Variants in RIMBP2 observed in about 807,000 individuals in gnomAD.
RIMBP2 encodes RIMS-binding protein 2.
RIMBP2 carries 48 observed loss-of-function variants against 118.6 expected under a neutral mutation model. That is an observed-to-expected ratio of 0.40 (90% CI 0.32 to 0.51). RIMBP2 has a LOEUF of 0.51. Ranked by LOEUF, RIMBP2 falls within the 20% of genes least tolerant of loss-of-function variation. The pLI is 0.41. For missense variants in RIMBP2, 1,551 were observed against 1,768.3 expected (o/e 0.88, Z 2.20); for synonymous variants, 762 against 742.9 (o/e 1.03, Z -0.42).
At chr12:130,423,477 C>T (rs10848100) in intron 16 of RIMBP2, among the ~76,000 whole-genome samples, 40,667 of 151,862 alleles carry the variant, frequency 0.27, 6,968 homozygotes, top group African/African-American at 0.47. Flanking sequence ...GCAAATGTTC[C>T]GAAAAGAGGA....
At chr12:130,496,036 T>C (rs1260919772) in intron 4 of RIMBP2, among the ~76,000 whole-genome samples, 2 of 152,190 alleles carry the variant, frequency 1.3e-5, no homozygotes, top group Admixed American at 6.5e-5. Context: ...GGACCTAAAC[T>C]GTAAAGCATT....
chr12:130,569,524 C>T (rs1161901629), intron 2 of RIMBP2, among the ~76,000 whole-genome samples: 2 of 152,202 alleles, frequency 1.3e-5, no homozygotes, highest in Non-Finnish European at 2.9e-5. Context: ...TTTGGATCTG[C>T]GTCCCCACCA....
intron 1 of RIMBP2, among the ~76,000 whole-genome samples, chr12:130,700,673 C>G (rs918263343): frequency 6.6e-6 from 1 of 152,230 alleles, no homozygotes. Flanking sequence ...ACAGCCCTGC[C>G]AGCGCCTGGA....
intron 1 of RIMBP2, among the ~76,000 whole-genome samples, chr12:130,649,703 C>T (rs759843631): frequency 2.6e-5 from 4 of 152,112 alleles, no homozygotes; most frequent in Non-Finnish European, 4.4e-5. Flanking sequence ...CACTTTCAGC[C>T]CTGGAGATCC....
chr12:130,493,474 C>G (rs2048838019), intron 4 of RIMBP2, among the ~76,000 whole-genome samples: 1 of 151,992 alleles, frequency 6.6e-6, no homozygotes, highest in Non-Finnish European at 1.5e-5. Flanking sequence ...ACCACCACGC[C>G]TGGTTAATTT....
In RIMBP2 at chr12:130,484,419, G is replaced by T. The variant is rs1038695765; in HGVS notation, c.-3-5403C>A. ...TGCCCAGATGCCACTTCGCACTGAA[G>T]CCTGGTGGCCGCCCGGCCCCTCCTG... On this transcript the variant is annotated intron_variant, in intron 4 of 22. Transcript: ENST00000690449. 1.3e-5 allele frequency among the ~76,000 whole-genome samples: 2 copies of T among 152,216 alleles called. 1 individual carries two copies. Among genetic ancestry groups the T allele is most frequent in the South Asian group, 4.1e-4 (2 of 4,832 alleles).
In RIMBP2 at chr12:130,414,314, C is replaced by A; in HGVS notation, c.3239-8G>T. ...GGTCTCGCCCGTAATCGTCTGCGAGCAAGTGGGGGTGAAGAACAGAGCGGC... is the reference window on the plus strand; with the variant it reads ...GGTCTCGCCCGTAATCGTCTGCGAGAAAGTGGGGGTGAAGAACAGAGCGGC... On this transcript the variant is annotated splice_region_variant and splice_polypyrimidine_tract_variant and intron_variant, in intron 17 of 22. Coordinates refer to ENST00000690449, the MANE Select transcript of RIMBP2 (RefSeq NM_001393629.1). 1 of 1,571,792 alleles carries A rather than the reference C, an allele frequency of 6.4e-7. No individual in the cohort carries two copies. The highest frequency in any genetic ancestry group is 8.6e-7 in the Non-Finnish European group (1 of 1,157,228).
chr12:130,459,954 C>G (rs870597), intron 6 of RIMBP2, among the ~76,000 whole-genome samples: 39,554 of 152,180 alleles, frequency 0.26, 6,407 homozygotes, highest in Non-Finnish European at 0.34. Flanking sequence ...CGTTAGTTCA[C>G]GACTTGGCAC....
rs546219044 is a variant in RIMBP2 at position 130,451,182 on chromosome 12, G to T, written c.504+13C>A. ...ACAGGCAGCCCCGGCAGCCCCTGCGGGACGGGACTCACGTCTGACTCAGAT... is the reference window on the plus strand; with the variant it reads ...ACAGGCAGCCCCGGCAGCCCCTGCGTGACGGGACTCACGTCTGACTCAGAT... On this transcript the variant is annotated intron_variant, in intron 8 of 22. Coordinates refer to ENST00000690449, the MANE Select transcript of RIMBP2 (RefSeq NM_001393629.1). 6 of 1,611,992 alleles carry T rather than the reference G, an allele frequency of 3.7e-6. No individual in the cohort carries two copies. In the East Asian group the frequency reaches 1.3e-4, roughly 36 times the overall value.
intron 2 of RIMBP2, among the ~76,000 whole-genome samples, chr12:130,613,787 C>T (rs1321858139): frequency 1.5e-5 from 2 of 132,112 alleles, no homozygotes; most frequent in Non-Finnish European, 3.1e-5. Flanking sequence ...GCACTCCAGC[C>T]TGGGTGACAG....
chr12:130,461,432 C>T (rs774337918), intron 6 of RIMBP2, among the ~76,000 whole-genome samples: 110 of 152,288 alleles, frequency 7.2e-4, no homozygotes, highest in African/African-American at 2.6e-3. Flanking sequence ...TGCCTCGGCC[C>T]GGGTGCAGCC....
At chr12:130,537,264 T>A (rs549621016) in intron 2 of RIMBP2, among the ~76,000 whole-genome samples, 1 of 152,222 alleles carries the variant, frequency 6.6e-6, no homozygotes, top group African/African-American at 2.4e-5. Context: ...CACGAGGCCA[T>A]AGTTTTGCTT....
intron 1 of RIMBP2, among the ~76,000 whole-genome samples, chr12:130,713,792 TG>T (rs1950136099): frequency 6.6e-6 from 1 of 152,206 alleles, no homozygotes; most frequent in South Asian, 2.1e-4. Flanking sequence ...CCCTGAGGTT[TG>T]GCACTTGCGG....
intron 4 of RIMBP2, among the ~76,000 whole-genome samples, chr12:130,505,946 T>C (rs2050303983): frequency 6.8e-6 from 1 of 147,700 alleles, no homozygotes. Context: ...TTAAAGAGTA[T>C]TTGCGGATGC....
Position 130,434,713 on chromosome 12 carries a change from T to C in RIMBP2, c.2253+21A>G, listed in dbSNP as rs749705355. 2 of 1,606,570 alleles carry C rather than the reference T, an allele frequency of 1.2e-6. No individual in the cohort carries two copies. Among genetic ancestry groups the C allele is most frequent in the Admixed American group, 3.4e-5 (2 of 59,324 alleles). Reference sequence around the variant, plus strand: ...GCCCGCGCCCACCAGGAGGATGGTGTGGGGCCCGGCCCGCTCTCACCTGCT... The same window carrying C: ...GCCCGCGCCCACCAGGAGGATGGTGCGGGGCCCGGCCCGCTCTCACCTGCT... On this transcript the variant is annotated intron_variant, in intron 14 of 22. Coordinates refer to ENST00000690449, the MANE Select transcript of RIMBP2 (RefSeq NM_001393629.1). The surrounding 1 kb of genome is among the most constrained non-coding windows in gnomAD (Gnocchi z 5.7).
chr12:130,556,626 G>A (rs561948090), intron 2 of RIMBP2, among the ~76,000 whole-genome samples: 9 of 152,362 alleles, frequency 5.9e-5, no homozygotes, highest in African/African-American at 2.2e-4. Context: ...GAGCCTTGCA[G>A]GGAGGTGCAG....
At chr12:130,435,818 G>A (rs996249846) in intron 13 of RIMBP2, among the ~76,000 whole-genome samples, 7 of 152,250 alleles carry the variant, frequency 4.6e-5, no homozygotes, top group East Asian at 1.9e-4. Flanking sequence ...TCAGGAGGAC[G>A]GGGTGGGGGC....
At chr12:130,681,836 A>G (rs903388243) in intron 1 of RIMBP2, among the ~76,000 whole-genome samples, 2 of 152,160 alleles carry the variant, frequency 1.3e-5, no homozygotes, top group South Asian at 2.1e-4. Flanking sequence ...CTGGGATTAC[A>G]GGGGCTCACC....
chr12:130,484,668 C>T (rs1418626412), intron 4 of RIMBP2, among the ~76,000 whole-genome samples: 1 of 152,244 alleles, frequency 6.6e-6, no homozygotes, highest in Non-Finnish European at 1.5e-5. Context: ...GCTGTCCCCA[C>T]CACCCCCTTC....
Sources: allele counts gnomAD v4.1 joint callset (sites outside exome capture counted in the v4.1 genomes callset), GRCh38; gene constraint gnomAD v4.1.1; non-coding constraint Gnocchi (gnomAD v3.1); transcripts MANE v1.5; gene names NCBI Gene and HGNC (gene_info 2026-07-23, HGNC 2026-07-21).